Variants in GPM6A observed in about 807,000 individuals in gnomAD.
GPM6A encodes glycoprotein M6A.
A neutral mutation model predicts 32.1 loss-of-function variants in GPM6A; 7 were observed. The observed-to-expected ratio is 0.22, with a 90% CI of 0.12 to 0.41. The LOEUF (loss-of-function observed/expected upper bound fraction) is 0.41. GPM6A is among the 10% of genes least tolerant of loss of function. The probability of loss-of-function intolerance (pLI) is 1.00; values close to 1 mark genes in which losing one functional copy is unlikely to be tolerated. For missense variants in GPM6A, 235 were observed against 347.2 expected (o/e 0.68, Z 2.57); for synonymous variants, 130 against 123.4 (o/e 1.05, Z -0.35).
chr4:175,760,291 C>T (rs1480801210), intron 1 of GPM6A, among the ~76,000 whole-genome samples: 1 of 152,170 alleles, frequency 6.6e-6, no homozygotes. Flanking sequence ...TGACAGTTCC[C>T]AAGTGATTCC....
At chr4:175,764,753 A>G (rs1375998758) in intron 1 of GPM6A, among the ~76,000 whole-genome samples, 2 of 151,802 alleles carry the variant, frequency 1.3e-5, no homozygotes, top group Non-Finnish European at 2.9e-5. Context: ...CAAACTTAAT[A>G]TGCCCCAGAC....
chr4:175,765,998 C>A (rs965362750), intron 1 of GPM6A, among the ~76,000 whole-genome samples: 1 of 152,112 alleles, frequency 6.6e-6, no homozygotes, highest in African/African-American at 2.4e-5. Context: ...CAGGGTGCCC[C>A]AACATTAGGG....
intron 2 of GPM6A, among the ~76,000 whole-genome samples, chr4:175,676,598 T>C (rs553471070): frequency 6.6e-6 from 1 of 152,084 alleles, no homozygotes; most frequent in South Asian, 2.1e-4. Context: ...ATTTAAAAAC[T>C]AGACAGTCTT....
chr4:175,941,195 C>A (rs1739392796), intron 1 of GPM6A, among the ~76,000 whole-genome samples: 1 of 152,132 alleles, frequency 6.6e-6, no homozygotes, highest in African/African-American at 2.4e-5. Flanking sequence ...TGCTTAGTCA[C>A]AGAAATCTAA....
intron 2 of GPM6A, among the ~76,000 whole-genome samples, chr4:175,684,011 A>G (rs1743832934): frequency 6.6e-6 from 1 of 151,946 alleles, no homozygotes; most frequent in South Asian, 2.1e-4. Context: ...TTGTATTTTT[A>G]GTAAAGATGG....
chr4:175,707,646 T>C (rs1400834913), intron 1 of GPM6A, among the ~76,000 whole-genome samples: 2 of 152,184 alleles, frequency 1.3e-5, no homozygotes, highest in African/African-American at 4.8e-5. Context: ...TTCTTTTTTT[T>C]TCAATATATG....
At chr4:175,972,248 C>T (rs1206862324) in intron 1 of GPM6A, among the ~76,000 whole-genome samples, 5 of 152,098 alleles carry the variant, frequency 3.3e-5, no homozygotes, top group Non-Finnish European at 7.4e-5. Flanking sequence ...GATGTATATA[C>T]ATTTAAGAAG....
At chr4:175,690,002 T>G (rs1170281447) in intron 2 of GPM6A, among the ~76,000 whole-genome samples, 1 of 152,204 alleles carries the variant, frequency 6.6e-6, no homozygotes, top group Admixed American at 6.5e-5. Context: ...TAAATAAGAT[T>G]GCTCTTGTCC....
At chr4:175,654,601 A>T (rs1741976947) in intron 3 of GPM6A, among the ~76,000 whole-genome samples, 1 of 152,152 alleles carries the variant, frequency 6.6e-6, no homozygotes, top group Non-Finnish European at 1.5e-5. Flanking sequence ...ATGTTTGGAT[A>T]AATTAAAAGA....
intron 1 of GPM6A, among the ~76,000 whole-genome samples, chr4:175,762,099 A>G (rs1021091341): frequency 3.9e-5 from 6 of 152,170 alleles, no homozygotes; most frequent in Non-Finnish European, 4.4e-5. Flanking sequence ...GGGCCATAAT[A>G]AGCTTTCAAT....
chr4:175,734,324 T>A (rs1268302490), intron 1 of GPM6A, among the ~76,000 whole-genome samples: 1 of 152,080 alleles, frequency 6.6e-6, no homozygotes, highest in African/African-American at 2.4e-5. Flanking sequence ...GGCTCACTAC[T>A]GTCACTTGAT....
chr4:176,002,339 C>T (rs1165945252), upstream of GPM6A: 4 of 1,586,016 alleles, frequency 2.5e-6, no homozygotes, highest in African/African-American at 2.7e-5. Flanking sequence ...TCTCTGCAGT[C>T]CCCAGAGGAG....
At chr4:175,919,065 CA>C (rs1419979561) in intron 1 of GPM6A, among the ~76,000 whole-genome samples, 1 of 152,078 alleles carries the variant, frequency 6.6e-6, no homozygotes, top group Non-Finnish European at 1.5e-5. Context: ...TGCCTTTTAT[CA>C]TTACGATAAG....
chr4:175,824,351 G>A (rs1402175132), intron 1 of GPM6A, among the ~76,000 whole-genome samples: 1 of 152,154 alleles, frequency 6.6e-6, no homozygotes, highest in African/African-American at 2.4e-5. Context: ...GTTCTTCACG[G>A]TTTTCAGCGA....
At chr4:175,827,486 G>T (rs141072576) in intron 1 of GPM6A, among the ~76,000 whole-genome samples, 1,720 of 152,282 alleles carry the variant, frequency 0.011, 16 homozygotes, top group Non-Finnish European at 0.016. Flanking sequence ...AAACGGCAGA[G>T]CTGGGACTAG....
At chr4:175,832,354 G>A (rs565254104) in intron 1 of GPM6A, among the ~76,000 whole-genome samples, 17 of 152,174 alleles carry the variant, frequency 1.1e-4, no homozygotes, top group African/African-American at 4.1e-4. Flanking sequence ...AAGACAAGGA[G>A]GATAAAGCAA....
intron 3 of GPM6A, among the ~76,000 whole-genome samples, chr4:175,666,455 CAA>C (rs923789514): frequency 2.6e-5 from 4 of 151,420 alleles, no homozygotes; most frequent in Non-Finnish European, 5.9e-5. Flanking sequence ...AAGGCAGAGT[CAA>C]AAAAAATGTA....
At chr4:175,846,198 C>G (rs1356828509) in intron 1 of GPM6A, among the ~76,000 whole-genome samples, 1 of 152,072 alleles carries the variant, frequency 6.6e-6, no homozygotes, top group East Asian at 1.9e-4. Context: ...CAATAATGCT[C>G]ATTTTTTGTA....
intron 1 of GPM6A, among the ~76,000 whole-genome samples, chr4:175,854,355 T>G (rs78524200): frequency 4.6e-5 from 7 of 152,172 alleles, no homozygotes; most frequent in Non-Finnish European, 8.8e-5. Flanking sequence ...TTTTATCTGA[T>G]AGCAATGAAA....
Sources: gnomAD v4.1 joint callset for allele counts (sites outside exome capture counted in the v4.1 genomes callset) on GRCh38, gnomAD v4.1.1 for gene constraint, MANE v1.5 for transcripts, NCBI Gene and HGNC (gene_info 2026-07-23, HGNC 2026-07-21) for gene names.